SMAP1: variants seen among roughly 807,000 people sequenced by gnomAD.
SMAP1 encodes small ArfGAP 1.
A neutral mutation model predicts 58.5 loss-of-function variants in SMAP1; 24 were observed. The ratio of observed to expected loss-of-function variants is 0.41; its 90% CI spans 0.30 to 0.58. The LOEUF (loss-of-function observed/expected upper bound fraction) is 0.58, where lower values mean the gene tolerates loss of function less well. SMAP1 is among the 20% of genes least tolerant of loss of function. The pLI is 0.29. For missense variants in SMAP1, 563 were observed against 566.3 expected, an observed-to-expected ratio of 0.99 and a Z score of 0.06; for synonymous variants, 216 against 196.6, an observed-to-expected ratio of 1.10 and a Z score of -0.82.
chr6:70,688,740 C>T (rs537676557), intron 1 of SMAP1, among the ~76,000 whole-genome samples: 1 of 152,312 alleles, frequency 6.6e-6, no homozygotes, highest in Admixed American at 6.5e-5. Context: ...CTTAACTTTA[C>T]ATCCTCTTCA....
chr6:70,833,106 A>T (rs563406936), intron 6 of SMAP1, among the ~76,000 whole-genome samples: 3 of 152,238 alleles, frequency 2.0e-5, no homozygotes, highest in African/African-American at 7.2e-5. Flanking sequence ...AATGGATATT[A>T]AGCTCTAAAA....
intron 6 of SMAP1, among the ~76,000 whole-genome samples, chr6:70,828,598 C>T (rs1405467216): frequency 6.6e-6 from 1 of 152,148 alleles, no homozygotes; most frequent in African/African-American, 2.4e-5. Context: ...TTTCACTACC[C>T]CCATTGAAAA....
chr6:70,833,154 G>A (rs1483496183), intron 6 of SMAP1, among the ~76,000 whole-genome samples: 1 of 152,096 alleles, frequency 6.6e-6, no homozygotes, highest in African/African-American at 2.4e-5. Flanking sequence ...ATTTTAGAAG[G>A]ATTCCTTACC....
chr6:70,672,066 TCC>T (rs1008162669), intron 1 of SMAP1, among the ~76,000 whole-genome samples: 2 of 152,246 alleles, frequency 1.3e-5, no homozygotes, highest in Non-Finnish European at 2.9e-5. Flanking sequence ...GTTTCTTTGT[TCC>T]GCAGATCTTG....
rs529091184 is a variant in SMAP1 at position 70,860,847 on chromosome 6, T to C, written c.*513T>C. 9 of 395,604 alleles carry C rather than the reference T, an allele frequency of 2.3e-5. No individual in the cohort carries two copies. The Admixed American group carries it at 3.1e-4, about 14-fold the overall frequency. 24.5% of individuals were successfully genotyped at this position (395,604 alleles called of 1,614,324 possible). A position where few individuals can be genotyped will look rare whatever the true frequency, so the allele number is the denominator to read the frequency against. ...CATTCACTTCACTGTGCTGTTGTTA[T>C]GATGTGCTTAACAGGGAACGTGATT... On this transcript the variant is annotated 3_prime_UTR_variant, in exon 11 of 11. Transcript: ENST00000370455.
intron 6 of SMAP1, among the ~76,000 whole-genome samples, chr6:70,817,363 A>G (rs977524226): frequency 1.3e-5 from 2 of 152,104 alleles, no homozygotes; most frequent in African/African-American, 2.4e-5. Context: ...GGAAAGATCA[A>G]TTTGAGGTTC....
chr6:70,860,127 A>G (rs1582328805), intron 10 of SMAP1, 73 bp from the exon 11 acceptor site: 3 of 1,485,914 alleles, frequency 2.0e-6, no homozygotes, highest in Admixed American at 2.4e-5. Flanking sequence ...AAAATGACCA[A>G]CTGTGTGGCT....
intron 1 of SMAP1, among the ~76,000 whole-genome samples, chr6:70,692,666 GA>G (rs1767221608): frequency 1.3e-5 from 2 of 152,166 alleles, no homozygotes; most frequent in African/African-American, 4.8e-5. Context: ...CCATTTACTG[GA>G]GAGACTGCTC....
At chr6:70,720,370 TC>T (rs959140515) in intron 1 of SMAP1, among the ~76,000 whole-genome samples, 4 of 152,180 alleles carry the variant, frequency 2.6e-5, no homozygotes, top group African/African-American at 9.7e-5. Flanking sequence ...ACAGCCTCCT[TC>T]CCGGCTGCTT....
intron 1 of SMAP1, among the ~76,000 whole-genome samples, chr6:70,673,639 C>CTTATATATTTTATATATTTAT (rs1766357573): frequency 6.6e-6 from 1 of 152,208 alleles, no homozygotes; most frequent in Non-Finnish European, 1.5e-5. Context: ...GCTTATAGGA[C>CTTATATATTTTATATATTTAT]AAATTTATAT....
At chr6:70,790,731 T>G (rs1768314363) in intron 4 of SMAP1, among the ~76,000 whole-genome samples, 1 of 152,172 alleles carries the variant, frequency 6.6e-6, no homozygotes, top group South Asian at 2.1e-4. Flanking sequence ...GGACTTGTCA[T>G]CTTGCAGTGT....
rs749838120 is a variant in SMAP1, at chr6:70,773,045, T to G, written c.339-305T>G. The G allele has an allele frequency of 3.0e-4, 82 of 271,056 alleles. 1 individual carries two copies. The highest frequency in any genetic ancestry group is 1.1e-4 in the Admixed American group (2 of 17,428). 16.8% of individuals were successfully genotyped at this position (271,056 alleles called of 1,614,324 possible). A position where few individuals can be genotyped will look rare whatever the true frequency, so the allele number is the denominator to read the frequency against. The stretch of plus-strand genomic sequence containing the variant: ...ACCCCAAATGAACCTGAATTGAATT[T>G]AAAGTGTGGTGATGCATTGATAGTG... On this transcript the variant is annotated intron_variant, in intron 3 of 10. Coordinates refer to ENST00000370455, the MANE Select transcript of SMAP1 (RefSeq NM_001044305.3).
At chr6:70,755,120 A>T in intron 3 of SMAP1, 55 bp downstream of exon 3, 1 of 1,346,860 alleles carries the variant, frequency 7.4e-7, no homozygotes, top group Non-Finnish European at 1.0e-6. Context: ...TCATTTTTAC[A>T]GTTCATATTT....
At chr6:70,845,729 T>A (rs1361563851) in intron 7 of SMAP1, among the ~76,000 whole-genome samples, 1 of 152,076 alleles carries the variant, frequency 6.6e-6, no homozygotes, top group African/African-American at 2.4e-5. Context: ...GTTAGGACAG[T>A]TGGAACAGAT....
rs1769040252 is a variant in SMAP1 at position 70,804,742 on chromosome 6, T to TG, written c.576+6005_576+6006insG. On this transcript the variant is annotated intron_variant, in intron 6 of 10. Coordinates refer to ENST00000370455, the MANE Select transcript of SMAP1 (RefSeq NM_001044305.3). ...GCTTGTCTGTAAAGTATTTTATTTCTCCTTCACTTATGAAGCTTAGTTTGG... is the reference window on the plus strand; with the variant it reads ...GCTTGTCTGTAAAGTATTTTATTTCTGCCTTCACTTATGAAGCTTAGTTTGG... 1.3e-5 allele frequency among the ~76,000 whole-genome samples: 2 copies of TG among 152,204 alleles called. 1 individual carries two copies. The highest frequency in any genetic ancestry group is 4.1e-4 in the South Asian group (2 of 4,832).
intron 4 of SMAP1, among the ~76,000 whole-genome samples, chr6:70,783,799 A>G (rs1443231450): frequency 6.6e-6 from 1 of 152,268 alleles, no homozygotes; most frequent in Non-Finnish European, 1.5e-5. Context: ...ATATGGGACT[A>G]TGTGAAAAGA....
chr6:70,720,834 CG>C (rs1320225146), intron 1 of SMAP1, among the ~76,000 whole-genome samples: 1 of 152,016 alleles, frequency 6.6e-6, no homozygotes, highest in African/African-American at 2.4e-5. Context: ...ACCCTGGGCC[CG>C]GCCCATGAAA....
chr6:70,831,687 T>C (rs949350515), intron 6 of SMAP1, among the ~76,000 whole-genome samples: 20 of 152,186 alleles, frequency 1.3e-4, no homozygotes, highest in African/African-American at 4.8e-4. Flanking sequence ...TTTAGGTTGA[T>C]TCCATGTCTT....
At chr6:70,721,534 C>G (rs915970950) in intron 1 of SMAP1, among the ~76,000 whole-genome samples, 1 of 152,222 alleles carries the variant, frequency 6.6e-6, no homozygotes, top group African/African-American at 2.4e-5. Context: ...TCCAAACTGT[C>G]CCATCCTCTG....
Sources: allele counts gnomAD v4.1 joint callset (sites outside exome capture counted in the v4.1 genomes callset), GRCh38; gene constraint gnomAD v4.1.1; transcripts MANE v1.5; gene names NCBI Gene and HGNC (gene_info 2026-07-23, HGNC 2026-07-21).